Variants in RTF1 observed in about 807,000 individuals in gnomAD.
RTF1 encodes the protein RTF1 homolog, Paf1/RNA polymerase II complex component.
RTF1 carries 10 observed loss-of-function variants against 95.7 expected under a neutral mutation model. The observed-to-expected ratio is 0.10, with a 90% CI of 0.06 to 0.18. RTF1 has a LOEUF of 0.18. Ranked by LOEUF, RTF1 falls within the 10% of genes least tolerant of loss-of-function variation. The pLI is 1.00. For synonymous variants in RTF1, 305 were observed against 311.8 expected (o/e 0.98, Z 0.23); for missense variants, 458 against 875.6 (o/e 0.52, Z 6.02).
intron 1 of RTF1, among the ~76,000 whole-genome samples, chr15:41,423,080 A>G (rs2050610838): frequency 6.6e-6 from 1 of 152,038 alleles, no homozygotes; most frequent in African/African-American, 2.4e-5. Flanking sequence ...CCAGCCCTGT[A>G]AGTATTTTCT....
Position 41,470,261 on chromosome 15 carries a change from G to A in RTF1, c.894G>A (p.Glu298=), listed in dbSNP as rs369791940. ...EREKRKNRTA[E]LLAKKQPLKT... is the part of the protein sequence containing the mutation. ...ACATCTCTTCTTTCTTTCTAGCTGA[G>A]CTCCTTGCCAAAAAACAGCCATTAA... The change falls in exon 7 of 18, where the codon GAG becomes GAA. Residue 298 remains glutamate, a synonymous_variant. Transcript: ENST00000389629. 1.8e-4 allele frequency: 293 copies of A among 1,612,398 alleles called. No homozygotes were observed. The highest frequency in any genetic ancestry group is 2.1e-4 in the South Asian group (19 of 91,028).
chr15:41,441,795 T>A (rs1335320276), intron 2 of RTF1, among the ~76,000 whole-genome samples: 1 of 152,152 alleles, frequency 6.6e-6, no homozygotes, highest in Admixed American at 6.6e-5. Flanking sequence ...TGCCTTCAGA[T>A]TCTAGTACTC....
At chr15:41,467,376 A>G (rs978084540) in intron 6 of RTF1, among the ~76,000 whole-genome samples, 1 of 152,162 alleles carries the variant, frequency 6.6e-6, no homozygotes, top group African/African-American at 2.4e-5. Context: ...TGACTAAGGC[A>G]TATAGCAAAG....
chr15:41,424,924 C>T (rs1246022730), intron 1 of RTF1, among the ~76,000 whole-genome samples: 1 of 151,886 alleles, frequency 6.6e-6, no homozygotes, highest in Non-Finnish European at 1.5e-5. Context: ...CATGAGAATC[C>T]CTTGAACCTA....
chr15:41,441,742 G>T (rs948850716), intron 2 of RTF1, among the ~76,000 whole-genome samples: 1 of 152,172 alleles, frequency 6.6e-6, no homozygotes, highest in Admixed American at 6.6e-5. Context: ...AGAAATGAGC[G>T]TTTGAGTGAC....
intron 1 of RTF1, among the ~76,000 whole-genome samples, chr15:41,436,107 G>C (rs1183131323): frequency 6.6e-6 from 1 of 152,020 alleles, no homozygotes; most frequent in East Asian, 1.9e-4. Flanking sequence ...AGTAGTTCAA[G>C]ACCAGCCTGG....
chr15:41,468,245 T>C (rs1478229535), intron 6 of RTF1, among the ~76,000 whole-genome samples: 2 of 151,168 alleles, frequency 1.3e-5, no homozygotes, highest in Non-Finnish European at 2.9e-5. Flanking sequence ...TTTAATTCAT[T>C]AGGAGTTGCA....
intron 3 of RTF1, among the ~76,000 whole-genome samples, chr15:41,454,340 C>T (rs943869171): frequency 2.0e-5 from 3 of 152,132 alleles, no homozygotes; most frequent in African/African-American, 7.2e-5. Flanking sequence ...ATCCACCTGC[C>T]TTGTCCTCCC....
Position 41,436,324 on chromosome 15 carries a change from G to A in RTF1, c.199-1997G>A, listed in dbSNP as rs1407157957. Among the ~76,000 whole-genome samples the A allele has an allele frequency of 7.3e-5, 11 of 151,406 alleles. No individual in the cohort carries two copies. In the East Asian group the frequency reaches 2.1e-3, roughly 29 times the overall value. On this transcript the variant is annotated intron_variant, in intron 1 of 17. Transcript: ENST00000389629. ...AAAAAAAAAAAATTAGCTGGGCTTG[G>A]CTGGCACCGGTAGTCCCAGCTACTC...
intron 15 of RTF1, 156 bp from the exon 16 acceptor site, chr15:41,478,947 T>C (rs2050956241): frequency 4.3e-6 from 2 of 469,042 alleles, no homozygotes; most frequent in African/African-American, 2.0e-5. Flanking sequence ...AATTGCCTTT[T>C]TTTTTTTTTT....
In RTF1 at chr15:41,451,915, G is replaced by A. The variant is rs535614906; in HGVS notation, c.310-986G>A. On this transcript the variant is annotated intron_variant, in intron 2 of 17. Transcript: ENST00000389629. ...TTTCTATTGGCAATAAAACATACAT[G>A]AGCTGGGTGCTGTGTTGCGCACCTG... is the stretch of plus-strand genomic sequence containing the variant. Among the ~76,000 whole-genome samples the A allele has an allele frequency of 2.6e-5, 4 of 152,148 alleles. No individual in the cohort carries two copies. The East Asian group carries it at 7.7e-4, about 29-fold the overall frequency.
At chr15:41,440,854 A>T (rs2050730078) in intron 2 of RTF1, among the ~76,000 whole-genome samples, 1 of 151,876 alleles carries the variant, frequency 6.6e-6, no homozygotes, top group Admixed American at 6.6e-5. Flanking sequence ...ACAAAAAATC[A>T]GTGGGGGGTC....
intron 3 of RTF1, among the ~76,000 whole-genome samples, chr15:41,453,257 C>G (rs1320523552): frequency 6.6e-6 from 1 of 152,100 alleles, no homozygotes; most frequent in Non-Finnish European, 1.5e-5. Context: ...GTTGGTGAGA[C>G]CCCTGAAACC....
intron 3 of RTF1, among the ~76,000 whole-genome samples, chr15:41,456,082 T>C (rs1448103274): frequency 2.0e-5 from 3 of 151,970 alleles, no homozygotes; most frequent in African/African-American, 4.8e-5. Context: ...GGCATGTGCC[T>C]GTAGTCCCTG....
chr15:41,476,588 A>C, intron 12 of RTF1, 65 bp downstream of exon 12: 1 of 1,420,744 alleles, frequency 7.0e-7, no homozygotes, highest in Non-Finnish European at 9.9e-7. Flanking sequence ...AAACTTGTTC[A>C]TCCTCTGCCA....
At chr15:41,439,813 G>A (rs1039612642) in intron 2 of RTF1, among the ~76,000 whole-genome samples, 18 of 151,936 alleles carry the variant, frequency 1.2e-4, no homozygotes, top group African/African-American at 3.6e-4. Flanking sequence ...CACAGTGCCC[G>A]GCTGATTTTT....
chr15:41,436,642 AAATT>A (rs1347110741), intron 1 of RTF1, among the ~76,000 whole-genome samples: 1 of 150,828 alleles, frequency 6.6e-6, no homozygotes, highest in Non-Finnish European at 1.5e-5. Context: ...AAAAAAAAAA[AAATT>A]AGCCAGGCAT....
intron 2 of RTF1, 135 bp from the exon 3 acceptor site, chr15:41,452,765 AT>A (rs796429823): frequency 6.7e-5 from 46 of 689,278 alleles, no homozygotes; most frequent in Non-Finnish European, 7.7e-5. Flanking sequence ...AAAAATCTGT[AT>A]TTTTTTTCAT....
intron 1 of RTF1, among the ~76,000 whole-genome samples, chr15:41,426,928 A>T (rs1344193832): frequency 7.4e-6 from 1 of 135,674 alleles, no homozygotes; most frequent in Non-Finnish European, 1.6e-5. Flanking sequence ...TGCAACCTCC[A>T]CCTCCCAGGT....
Sources: gnomAD v4.1 joint callset for allele counts (sites outside exome capture counted in the v4.1 genomes callset) on GRCh38, gnomAD v4.1.1 for gene constraint, MANE v1.5 for transcripts, NCBI Gene and HGNC (gene_info 2026-07-23, HGNC 2026-07-21) for gene names.